Variants in FAT4 observed in about 807,000 individuals in gnomAD.
FAT4 encodes protocadherin Fat 4.
Under a neutral mutation model 303.9 loss-of-function variants are expected in FAT4, and 84 were observed. The observed-to-expected ratio is 0.28, with a 90% confidence interval of 0.23 to 0.33. FAT4 has a LOEUF of 0.33. FAT4 is among the 10% of genes least tolerant of loss of function. FAT4 has a pLI of 1.00. For synonymous variants in FAT4, 2,307 were observed against 2,298.8 expected (o/e 1.00, Z -0.10); for missense variants, 6,005 against 6,146.8 (o/e 0.98, Z 0.77).
At chr4:125,351,624 A>G (rs543330628) in intron 2 of FAT4, among the ~76,000 whole-genome samples, 1 of 151,866 alleles carries the variant, frequency 6.6e-6, no homozygotes, top group East Asian at 1.9e-4. Context: ...TAGCTGTTTC[A>G]TGATAGCTTA....
chr4:125,489,718 AT>A (rs1727537608), intron 17 of FAT4, among the ~76,000 whole-genome samples, 182 bp from the exon 18 acceptor site: 1 of 152,110 alleles, frequency 6.6e-6, no homozygotes, highest in Non-Finnish European at 1.5e-5. Flanking sequence ...TTGCTAAGTT[AT>A]AAGATGCACA....
At chr4:125,479,890 C>T (rs369862510) in intron 15 of FAT4, 25 bp downstream of exon 15, 15 of 1,486,146 alleles carry the variant, frequency 1.0e-5, no homozygotes, top group Non-Finnish European at 1.3e-5. Flanking sequence ...CCGTCTTCCC[C>T]TGGAAATTTT....
intron 2 of FAT4, among the ~76,000 whole-genome samples, chr4:125,358,435 C>G (rs924754807): frequency 6.6e-6 from 1 of 151,926 alleles, no homozygotes; most frequent in Non-Finnish European, 1.5e-5. Flanking sequence ...GTCCTGAACT[C>G]GTTTTCCTGC....
intron 2 of FAT4, among the ~76,000 whole-genome samples, chr4:125,351,116 T>A (rs908934216): frequency 9.2e-5 from 14 of 151,822 alleles, no homozygotes; most frequent in African/African-American, 3.4e-4. Context: ...GGAATAAAAC[T>A]TTTTTGTTGT....
At chr4:125,351,773 T>C (rs1380114445) in intron 2 of FAT4, among the ~76,000 whole-genome samples, 1 of 151,724 alleles carries the variant, frequency 6.6e-6, no homozygotes, top group African/African-American at 2.4e-5. Context: ...GTTCTCCTGA[T>C]TATGATCAGT....
intron 2 of FAT4, among the ~76,000 whole-genome samples, chr4:125,333,261 G>A (rs1299639575): frequency 6.6e-6 from 1 of 151,966 alleles, no homozygotes; most frequent in Non-Finnish European, 1.5e-5. Context: ...AACAAACACA[G>A]GGTAAACAAA....
intron 11 of FAT4, among the ~76,000 whole-genome samples, chr4:125,465,761 C>T (rs7689651): frequency 0.23 from 35,458 of 151,988 alleles, 4,229 homozygotes; most frequent in African/African-American, 0.29. Flanking sequence ...AAATTTCTCC[C>T]CCTATTCCTT....
chr4:125,443,382 T>C (rs7668690), intron 8 of FAT4, among the ~76,000 whole-genome samples: 151,265 of 152,294 alleles, frequency 0.99, 75,128 homozygotes, highest in Middle Eastern at 1. Flanking sequence ...CCTTCGCAAT[T>C]GGTACATTTT....
chr4:125,451,371 C>T lies in FAT4; in HGVS notation c.10361C>T (p.Ala3454Val). 1.2e-6 allele frequency: 2 copies of T among 1,614,108 alleles called. No homozygotes were observed. Among genetic ancestry groups the T allele is most frequent in the Non-Finnish European group, 1.7e-6 (2 of 1,180,014 alleles). ...YFIGSGNENG[A>V]FSINPQTGQI... The stretch of plus-strand genomic sequence containing the variant: ...ATCGGATCAGGGAATGAAAATGGTG[C>T]CTTTTCTATTAATCCGCAGACAGGA... Residue 3454 changes from alanine to valine, a missense_variant, in exon 10 of 18, where the codon GCC becomes GTC. Coordinates refer to ENST00000394329, the MANE Select transcript of FAT4 (RefSeq NM_001291303.3).
intron 8 of FAT4, among the ~76,000 whole-genome samples, chr4:125,444,196 T>TAAC (rs1725752208): frequency 6.6e-6 from 1 of 152,162 alleles, no homozygotes; most frequent in African/African-American, 2.4e-5. Flanking sequence ...CTGGGTAATT[T>TAAC]ATAAAGAATA....
Position 125,449,888 on chromosome 4 carries a change from C to T in FAT4, c.8878C>T (p.Arg2960Ter). The T allele has an allele frequency of 6.2e-7, 1 of 1,613,832 alleles. No individual in the cohort carries two copies. Among genetic ancestry groups the T allele is most frequent in the Non-Finnish European group, 8.5e-7 (1 of 1,179,880 alleles). ...TAGTTTTATAGTGACATCTTCAGAT[C>T]GAGGTAAACCTTCCTTAATTAGTGA... Reference protein sequence around the residue: ...RHSFIVTSSDRGKPSLISETT... With the variant: ...RHSFIVTSSD The change falls in exon 10 of 18, where the codon CGA (arginine) becomes TGA (stop). Residue 2960 changes from arginine to a stop codon, truncating the protein, a stop_gained. Coordinates refer to ENST00000394329, the MANE Select transcript of FAT4 (RefSeq NM_001291303.3). LOFTEE classifies it high-confidence loss of function.
In FAT4 at chr4:125,385,029, T is replaced by A. The variant is rs1242965813; in HGVS notation, c.5176-13755T>A. ...ATATATATATATATATATATATTTT[T>A]TTTTTTTTTGAGATGGAGTGTTGCT... On this transcript the variant is annotated intron_variant, in intron 2 of 17. Coordinates refer to ENST00000394329, the MANE Select transcript of FAT4 (RefSeq NM_001291303.3). Among the ~76,000 whole-genome samples the A allele has an allele frequency of 1.3e-3, 180 of 142,614 alleles. 1 individual carries two copies. Among genetic ancestry groups the A allele is most frequent in the Middle Eastern group, 3.6e-3 (1 of 276 alleles). The allele number at this position is 142,614 out of a possible 152,430, so 93.6% of individuals were successfully genotyped here.
intron 2 of FAT4, among the ~76,000 whole-genome samples, chr4:125,336,650 G>A (rs186298126): frequency 5.3e-5 from 8 of 151,976 alleles, no homozygotes; most frequent in Admixed American, 2.6e-4. Context: ...GTCATTTTGT[G>A]AGCTCTATTT....
chr4:125,446,584 C>G, intron 9 of FAT4, 41 bp downstream of exon 9: 1 of 1,495,058 alleles, frequency 6.7e-7, no homozygotes, highest in Non-Finnish European at 9.1e-7. Context: ...TATAAACAAA[C>G]TATGTATCAG....
rs757401187 is a variant in FAT4 at position 125,320,776 on chromosome 4, A to G, written c.4365A>G (p.Leu1455=). 1.9e-6 allele frequency: 3 copies of G among 1,614,018 alleles called. No individual in the cohort carries two copies. The East Asian group carries it at 6.7e-5, about 36-fold the overall frequency. ...HDPDADINGQ[L]SYTIIQQMPR... Reference sequence around the variant, plus strand: ...CTGATGCAGACATTAATGGTCAACTATCCTACACAATCATTCAACAGATGC... The same window carrying G: ...CTGATGCAGACATTAATGGTCAACTGTCCTACACAATCATTCAACAGATGC... The change falls in exon 2 of 18, where the codon CTA becomes CTG. Residue 1455 remains leucine (L), a synonymous_variant. Transcript: ENST00000394329.
chr4:125,458,431 G>A (rs1726363055), intron 10 of FAT4, among the ~76,000 whole-genome samples: 3 of 151,844 alleles, frequency 2.0e-5, no homozygotes. Flanking sequence ...TGGTGTTGTT[G>A]ATGATCATGT....
chr4:125,488,227 A>G (rs1015042438), intron 17 of FAT4, among the ~76,000 whole-genome samples: 2 of 152,240 alleles, frequency 1.3e-5, no homozygotes, highest in African/African-American at 4.8e-5. Context: ...GTTATAGAAG[A>G]CAACACATTG....
At chr4:125,354,293 T>G (rs974271646) in intron 2 of FAT4, among the ~76,000 whole-genome samples, 1 of 151,750 alleles carries the variant, frequency 6.6e-6, no homozygotes, top group Non-Finnish European at 1.5e-5. Flanking sequence ...AATAAAGTAT[T>G]TTGGTAACAC....
intron 12 of FAT4, among the ~76,000 whole-genome samples, chr4:125,470,739 A>T (rs1313676624): frequency 6.6e-6 from 1 of 152,184 alleles, no homozygotes; most frequent in Admixed American, 6.6e-5. Context: ...AACAGGTTTG[A>T]TCTTCTATCC....
Sources: allele counts gnomAD v4.1 joint callset (sites outside exome capture counted in the v4.1 genomes callset), GRCh38; gene constraint gnomAD v4.1.1; transcripts MANE v1.5; gene names NCBI Gene and HGNC (gene_info 2026-07-23, HGNC 2026-07-21).